The following NEB variants were observed in gnomAD, a reference collection of about 807,000 sequenced individuals.
NEB encodes the protein nemaline myopathy type 2.
Under a neutral mutation model 952.2 loss-of-function variants are expected in NEB, and 512 were observed. The observed-to-expected ratio is 0.54, with a 90% CI of 0.50 to 0.58. NEB has a LOEUF of 0.58. NEB is among the 20% of genes least tolerant of loss of function. NEB has a pLI of 0.00. For synonymous variants in NEB, 2,900 were observed against 3,149.8 expected (o/e 0.92, Z 2.66); for missense variants, 8,428 against 9,231.1 (o/e 0.91, Z 3.56).
In NEB at chr2:151,671,160, C is replaced by T. The variant is rs1332552497; in HGVS notation, c.4369G>A (p.Val1457Met). The T allele has an allele frequency of 6.2e-7, 1 of 1,613,974 alleles. No individual in the cohort carries two copies. The highest frequency in any genetic ancestry group is 1.1e-5 in the South Asian group (1 of 91,078). ...TCGCCTGCTTTCTTGACCTTCTCCA[C>T]CTCCAGGGAACCAATAGGGATCCAT... ...IGWIPIGSLE[V>M]EKVKKAGDAL... The change falls in exon 38 of 182, where the codon GTG becomes ATG. Residue 1457 changes from valine to methionine, a missense_variant. Coordinates refer to ENST00000397345, the MANE Select transcript of NEB (RefSeq NM_001164508.2).
chr2:151,497,826 T>C lies in NEB; in HGVS notation c.24208-108A>G, dbSNP rs763358253. 5.2e-6 allele frequency: 8 copies of C among 1,527,986 alleles called. No individual in the cohort carries two copies. The East Asian group carries it at 7.4e-5, about 14-fold the overall frequency. 94.7% of individuals were successfully genotyped at this position (1,527,986 alleles called of 1,614,324 possible). A position where few individuals can be genotyped will look rare whatever the true frequency, so the allele number is the denominator to read the frequency against. ...CAGTCATCCAAGGAGCCAGAAGTTA[T>C]ATGCTGACAAAATGCCACCGACTAC... On this transcript the variant is annotated intron_variant, in intron 170 of 181. Transcript: ENST00000397345.
rs1574366415 is a variant in NEB, at chr2:151,629,735, A to C, written c.9724-89T>G. On this transcript the variant is annotated intron_variant, in intron 67 of 181. Transcript: ENST00000397345. ...AGTGACTTATATCCTAAAATTTAAA[A>C]AAGGATAGGAACTGGAGACAATTCA... The C allele has an allele frequency of 3.6e-6, 4 of 1,101,240 alleles. No individual in the cohort carries two copies. The East Asian group carries it at 1.0e-4, about 27-fold the overall frequency. The allele number at this position is 1,101,240 out of a possible 1,614,324, so 68.2% of individuals were successfully genotyped here. A position where few individuals can be genotyped will look rare whatever the true frequency, so the allele number is the denominator to read the frequency against.
chr2:151,692,785 T>C (rs1474257303), intron 20 of NEB, among the ~76,000 whole-genome samples: 2 of 152,090 alleles, frequency 1.3e-5, no homozygotes, highest in East Asian at 3.9e-4. Context: ...GCCTGGCCAA[T>C]GTGGTAAAAC....
chr2:151,637,912 C>A (rs2154096532), intron 63 of NEB, among the ~76,000 whole-genome samples: 1 of 152,266 alleles, frequency 6.6e-6, no homozygotes, highest in Middle Eastern at 3.4e-3. Context: ...GGTGGCAATT[C>A]CATCTAAATT....
chr2:151,533,757 G>T (rs894807843), intron 142 of NEB, among the ~76,000 whole-genome samples: 1 of 152,186 alleles, frequency 6.6e-6, no homozygotes, highest in Non-Finnish European at 1.5e-5. Flanking sequence ...CTTGTGAATG[G>T]GGAATGATAC....
At chr2:151,514,964 A>T (rs1385285520) in intron 157 of NEB, 36 bp from the exon 158 acceptor site, 2 of 1,371,458 alleles carry the variant, frequency 1.5e-6, no homozygotes, top group Non-Finnish European at 2.0e-6. Flanking sequence ...AGTTAAAAAA[A>T]AATCTTTATT....
intron 161 of NEB, among the ~76,000 whole-genome samples, chr2:151,509,835 C>G (rs948617781): frequency 6.6e-6 from 1 of 152,126 alleles, no homozygotes; most frequent in East Asian, 1.9e-4. Context: ...GTCTCAATCT[C>G]CTGACCTCAT....
Position 151,492,232 on chromosome 2 carries a change from A to G in NEB, c.24923T>C (p.Val8308Ala), listed in dbSNP as rs1175593938. Residue 8308 changes from valine to alanine, a missense_variant, in exon 178 of 182, where the codon GTG becomes GCG. By Grantham distance (64) the Val-to-Ala change is moderately conservative (BLOSUM62 0). Transcript: ENST00000397345. ...TCGTTCAGTGATAGGATCTGTCACCACTGGTGTGAAGCAACCCTTGTGTTT... is the reference window on the plus strand; with the variant it reads ...TCGTTCAGTGATAGGATCTGTCACCGCTGGTGTGAAGCAACCCTTGTGTTT... ...FEKHKGCFTP[V>A]VTDPITERVK... 1.2e-6 allele frequency: 2 copies of G among 1,613,784 alleles called. No homozygotes were observed. Among genetic ancestry groups the G allele is most frequent in the African/African-American group, 1.3e-5 (1 of 74,918 alleles).
At chr2:151,664,467 C>T (rs1274655313) in intron 44 of NEB, 34 bp downstream of exon 44, 2 of 1,474,496 alleles carry the variant, frequency 1.4e-6, no homozygotes, top group Non-Finnish European at 1.8e-6. Context: ...TTCTTACTTG[C>T]TCAACCCCAA....
intron 59 of NEB, 37 bp from the exon 60 acceptor site, chr2:151,642,718 G>C (rs1408076369): frequency 6.2e-7 from 1 of 1,608,030 alleles, no homozygotes; most frequent in Non-Finnish European, 8.5e-7. Context: ...GATTTATAAA[G>C]TGCATTGTAA....
intron 62 of NEB, 62 bp downstream of exon 62, chr2:151,639,795 G>C: frequency 7.3e-7 from 1 of 1,376,602 alleles, no homozygotes; most frequent in Non-Finnish European, 1.0e-6. Flanking sequence ...CCTCATTAAT[G>C]TTTCTTTTTT....
chr2:151,495,920 G>C (rs922407605), intron 173 of NEB, among the ~76,000 whole-genome samples: 6 of 152,074 alleles, frequency 3.9e-5, no homozygotes, highest in Admixed American at 3.9e-4. Context: ...ATTTAAGAAA[G>C]AGCCGCATTG....
chr2:151,501,844 A>C (rs1004394115), intron 167 of NEB, among the ~76,000 whole-genome samples: 3 of 152,290 alleles, frequency 2.0e-5, no homozygotes, highest in South Asian at 2.1e-4. Flanking sequence ...GGAGAGAGAG[A>C]GACAGGTAGG....
In NEB at chr2:151,690,723, T is replaced by G. The variant is rs768727377; in HGVS notation, c.2310+4A>C. 1 of 1,577,158 alleles carries G rather than the reference T, an allele frequency of 6.3e-7. No homozygotes were observed. ...CCCACGCTTGCATAAATCAAAGCAC[T>G]TACATCACTAAGCTGTTTCGTGTTG... On this transcript the variant is annotated splice_donor_region_variant and intron_variant, in intron 24 of 181. Transcript: ENST00000397345.
intron 9 of NEB, among the ~76,000 whole-genome samples, chr2:151,721,247 A>T (rs1175691618): frequency 6.6e-6 from 1 of 152,008 alleles, no homozygotes; most frequent in Non-Finnish European, 1.5e-5. Context: ...ATTACTCCAG[A>T]TTCTATTTTT....
intron 62 of NEB, 62 bp downstream of exon 62, chr2:151,639,795 G>T: frequency 1.5e-6 from 2 of 1,376,600 alleles, no homozygotes; most frequent in Non-Finnish European, 2.0e-6. Context: ...CCTCATTAAT[G>T]TTTCTTTTTT....
At chr2:151,515,552 G>A (rs1401965857) in intron 157 of NEB, among the ~76,000 whole-genome samples, 1 of 152,050 alleles carries the variant, frequency 6.6e-6, no homozygotes, top group Non-Finnish European at 1.5e-5. Flanking sequence ...GCTTAGGTGG[G>A]CAGTGAGGCA....
chr2:151,575,906 T>C (rs2096811598), intron 106 of NEB, 107 bp from the exon 107 acceptor site: 2 of 863,342 alleles, frequency 2.3e-6, no homozygotes, highest in African/African-American at 1.7e-5. Flanking sequence ...AACCCTTTCA[T>C]GTTAGGGCAA....
intron 134 of NEB, 76 bp downstream of exon 134, chr2:151,546,269 C>A: frequency 1.7e-6 from 2 of 1,180,918 alleles, no homozygotes; most frequent in South Asian, 1.4e-5. Context: ...ATCCCTTCTG[C>A]CTAGCCCTGG....
Sources: gnomAD v4.1 joint callset for allele counts (sites outside exome capture counted in the v4.1 genomes callset) on GRCh38, gnomAD v4.1.1 for gene constraint, MANE v1.5 for transcripts, NCBI Gene and HGNC (gene_info 2026-07-23, HGNC 2026-07-21) for gene names.